The following USP32 variants were observed in gnomAD, a reference collection of about 807,000 sequenced individuals.
USP32 encodes ubiquitin specific peptidase 32, also known as ubiquitin carboxyl-terminal hydrolase 32.
Under a neutral mutation model 204.8 loss-of-function variants are expected in USP32, and 59 were observed. That is an observed-to-expected ratio of 0.29 (90% CI 0.23 to 0.36). USP32 has a LOEUF of 0.36. USP32 is among the 10% of genes least tolerant of loss of function. The probability of loss-of-function intolerance (pLI) is 1.00; values close to 1 mark genes in which losing one functional copy is unlikely to be tolerated. For synonymous variants in USP32, 517 were observed against 678.4 expected (o/e 0.76, Z 3.70); for missense variants, 1,160 against 1,946.4 (o/e 0.60, Z 7.60).
chr17:60,377,818 C>T (rs372581720), intron 1 of USP32, among the ~76,000 whole-genome samples: 5 of 152,120 alleles, frequency 3.3e-5, no homozygotes, highest in African/African-American at 1.2e-4. Flanking sequence ...TCTTTCTATT[C>T]TGGTTTTCTG....
chr17:60,270,518 C>T (rs1208455484), intron 6 of USP32, among the ~76,000 whole-genome samples: 3 of 152,030 alleles, frequency 2.0e-5, no homozygotes, highest in Admixed American at 6.6e-5. Context: ...ATTTGGACTC[C>T]TTATTTTTAA....
intron 27 of USP32, among the ~76,000 whole-genome samples, chr17:60,196,397 A>C (rs895521585): frequency 2.4e-4 from 37 of 152,354 alleles, no homozygotes; most frequent in Admixed American, 2.4e-3. Context: ...CTTCACTTCA[A>C]ATTTAATCTT....
intron 2 of USP32, among the ~76,000 whole-genome samples, chr17:60,333,682 G>C (rs930712971): frequency 1.4e-5 from 2 of 145,852 alleles, no homozygotes; most frequent in African/African-American, 5.0e-5. Context: ...GGGAGGGAGG[G>C]AAAGAAAAGA....
intron 5 of USP32, among the ~76,000 whole-genome samples, chr17:60,275,326 G>C (rs934966880): frequency 2.6e-5 from 4 of 152,004 alleles, no homozygotes; most frequent in Non-Finnish European, 5.9e-5. Context: ...GTGTGGTGGC[G>C]TGTGCCTGTA....
chr17:60,278,281 TA>T (rs986800992), intron 5 of USP32, among the ~76,000 whole-genome samples: 12 of 151,946 alleles, frequency 7.9e-5, no homozygotes, highest in African/African-American at 2.7e-4. Flanking sequence ...GACATTGTAC[TA>T]AAAACTACAC....
Position 60,417,483 on chromosome 17 carries a change from C to T in USP32, c.106+4763G>A, listed in dbSNP as rs1437127901. The stretch of plus-strand genomic sequence containing the variant: ...TTTTTTTTTTTTTGTGACAGAGTCT[C>T]GCTCTTGTCGCCCAGGCTGGAGTGC... On this transcript the variant is annotated intron_variant, in intron 1 of 3. Coordinates refer to the USP32 transcript ENST00000588898. Among the ~76,000 whole-genome samples, 22 of 148,616 alleles carry T rather than the reference C, an allele frequency of 1.5e-4. No individual in the cohort carries two copies. The East Asian group carries it at 4.2e-3, about 28-fold the overall frequency.
At chr17:60,392,644 G>GT (rs1400528354), upstream of USP32, 3 of 450,708 alleles carry the variant, frequency 6.7e-6, no homozygotes, top group Non-Finnish European at 1.3e-5. Context: ...AAAGGAGTGG[G>GT]TAGGCAGGGA....
At chr17:60,404,041 A>G (rs1322645598) in intron 1 of USP32, among the ~76,000 whole-genome samples, 2 of 104,650 alleles carry the variant, frequency 1.9e-5, no homozygotes, top group Admixed American at 8.2e-5. Flanking sequence ...CCCTGCCTCA[A>G]AAAAAAAAAA....
intron 29 of USP32, among the ~76,000 whole-genome samples, chr17:60,188,274 GT>G (rs566579521): frequency 2.0e-5 from 3 of 151,794 alleles, no homozygotes; most frequent in Middle Eastern, 3.2e-3. Context: ...GATTGCCTCT[GT>G]TTTTTTTCTG....
intron 5 of USP32, among the ~76,000 whole-genome samples, chr17:60,281,777 T>C (rs777378478): frequency 6.6e-6 from 1 of 152,112 alleles, no homozygotes; most frequent in Non-Finnish European, 1.5e-5. Context: ...ATTTTATCAG[T>C]GTTTCTCAAA....
At chr17:60,185,898 T>C in intron 29 of USP32, 1 of 381,650 alleles carries the variant, frequency 2.6e-6, no homozygotes. Context: ...CCTGTCTCTG[T>C]AAAAGAAAAA....
At chr17:60,199,651 T>C (rs2084622988) in intron 26 of USP32, among the ~76,000 whole-genome samples, 1 of 152,204 alleles carries the variant, frequency 6.6e-6, no homozygotes, top group Non-Finnish European at 1.5e-5. Flanking sequence ...TTATTAAGCA[T>C]TTTATTTTGC....
intron 1 of USP32, among the ~76,000 whole-genome samples, chr17:60,354,695 AT>A (rs948846859): frequency 3.9e-5 from 6 of 151,932 alleles, no homozygotes; most frequent in African/African-American, 1.5e-4. Context: ...ACAACTAGCA[AT>A]TTTTTTTGCT....
intron 1 of USP32, among the ~76,000 whole-genome samples, chr17:60,351,038 T>C (rs1445744927): frequency 1.3e-5 from 2 of 151,994 alleles, no homozygotes; most frequent in Admixed American, 6.6e-5. Flanking sequence ...ACCTAGCAGC[T>C]GAGAAATTCA....
At chr17:60,365,275 T>G (rs1015610544) in intron 1 of USP32, among the ~76,000 whole-genome samples, 2 of 151,992 alleles carry the variant, frequency 1.3e-5, no homozygotes, top group Admixed American at 1.3e-4. Context: ...GGTTAGGAGT[T>G]AGAGACCAGC....
At chr17:60,233,515 T>C (rs1318493556) in intron 12 of USP32, among the ~76,000 whole-genome samples, 1 of 152,144 alleles carries the variant, frequency 6.6e-6, no homozygotes, top group Non-Finnish European at 1.5e-5. Flanking sequence ...ACTCATTTAA[T>C]CCTCGTAACA....
chr17:60,307,081 T>C (rs1044610545), intron 2 of USP32, among the ~76,000 whole-genome samples: 2 of 151,672 alleles, frequency 1.3e-5, no homozygotes, highest in African/African-American at 4.8e-5. Context: ...TGGATTGGAA[T>C]AATTAATTTT....
At chr17:60,319,600 A>C (rs923862468) in intron 2 of USP32, among the ~76,000 whole-genome samples, 1 of 152,156 alleles carries the variant, frequency 6.6e-6, no homozygotes, top group South Asian at 2.1e-4. Context: ...CAACATGGTG[A>C]AACCCCATCT....
At chr17:60,280,939 T>G (rs544178635) in intron 5 of USP32, among the ~76,000 whole-genome samples, 1 of 152,368 alleles carries the variant, frequency 6.6e-6, no homozygotes, top group African/African-American at 2.4e-5. Context: ...TGATAATGCT[T>G]TTCATAGTAA....
Sources: gnomAD v4.1 joint callset for allele counts (sites outside exome capture counted in the v4.1 genomes callset) on GRCh38, gnomAD v4.1.1 for gene constraint, MANE v1.5 for transcripts, NCBI Gene and HGNC (gene_info 2026-07-23, HGNC 2026-07-21) for gene names.